The following ESCO2 variants were observed in gnomAD, a reference collection of about 807,000 sequenced individuals.
The protein encoded by ESCO2 is N-acetyltransferase ESCO2.
Under a neutral mutation model 61.7 loss-of-function variants are expected in ESCO2, and 51 were observed. The ratio of observed to expected loss-of-function variants is 0.83; its 90% CI spans 0.66 to 1.04. ESCO2 has a LOEUF of 1.04. Among genes scored for constraint, ESCO2 ranks in the 50% least tolerant of loss-of-function variants. ESCO2 has a pLI of 0.00. For synonymous variants in ESCO2, 230 were observed against 238.2 expected (o/e 0.97, Z 0.32); for missense variants, 692 against 686.2 (o/e 1.01, Z -0.09).
chr8:27,806,530 A>T (rs1270681327), downstream of ESCO2, among the ~76,000 whole-genome samples: 2 of 152,340 alleles, frequency 1.3e-5, no homozygotes, highest in Admixed American at 6.5e-5. Context: ...ACAACAAAAA[A>T]GCCTGTTGGG....
Position 27,780,194 on chromosome 8 carries a change from T to C in ESCO2, c.882T>C (p.Val294=), listed in dbSNP as rs752508730. The change falls in exon 4 of 11, where the codon GTT becomes GTC. Residue 294 remains valine (V), a synonymous_variant. Transcript: ENST00000305188. The part of the protein sequence containing the change: ...KLIKDSSDDR[V]SSKEHKVDKN... ...TTCAGGATTCATCAGATGACAGAGT[T>C]TCTTCAAAGGAACATAAAGTTGATA... 40 of 1,610,048 alleles carry C rather than the reference T, an allele frequency of 2.5e-5. No individual in the cohort carries two copies. The highest frequency in any genetic ancestry group is 3.4e-5 in the Non-Finnish European group (40 of 1,177,164).
At chr8:27,808,110 T>C (rs1004388964), downstream of ESCO2, 1 of 440,222 alleles carries the variant, frequency 2.3e-6, no homozygotes, top group Non-Finnish European at 3.3e-6. Context: ...TTAGCTGATA[T>C]ATATAGCATT....
intron 9 of ESCO2, among the ~76,000 whole-genome samples, chr8:27,798,845 G>T: frequency 6.6e-6 from 1 of 152,320 alleles, no homozygotes; most frequent in East Asian, 1.9e-4. Flanking sequence ...TAAATTGGTG[G>T]TTGTCAGGGA....
chr8:27,816,343 C>CTTATATATATATATATA (rs1554559818), downstream of ESCO2, among the ~76,000 whole-genome samples: 1 of 136,382 alleles, frequency 7.3e-6, no homozygotes, highest in African/African-American at 2.9e-5. Context: ...TCATCGAATA[C>CTTATATATATATATATA]TATATATATA....
downstream of ESCO2, among the ~76,000 whole-genome samples, chr8:27,806,934 A>G (rs1805575379): frequency 6.6e-6 from 1 of 152,006 alleles, no homozygotes; most frequent in South Asian, 2.1e-4. Context: ...TTTTTAAGCC[A>G]TTGGGAAAAG....
rs375990254 is a variant in ESCO2 at position 27,794,316 on chromosome 8, T to C, written c.1497+1505T>C. 2.2e-4 allele frequency among the ~76,000 whole-genome samples: 34 copies of C among 152,284 alleles called. No homozygotes were observed. The East Asian group carries it at 6.5e-3, about 29-fold the overall frequency. Reference sequence around the variant, plus strand: ...AGTAATCATTCTAACAGGCGTGAGGTGATCTTGTTTTAATTTGCATTTCCT... The same window carrying C: ...AGTAATCATTCTAACAGGCGTGAGGCGATCTTGTTTTAATTTGCATTTCCT... On this transcript the variant is annotated intron_variant, in intron 9 of 10. Transcript: ENST00000305188.
chr8:27,809,163 G>A (rs1424377739), downstream of ESCO2, among the ~76,000 whole-genome samples: 1 of 152,182 alleles, frequency 6.6e-6, no homozygotes, highest in Admixed American at 6.5e-5. Flanking sequence ...ACATGTCAGA[G>A]TGAGGATAAG....
chr8:27,777,088 G>A lies in ESCO2; in HGVS notation c.780G>A (p.Val260=). ...AAAAAACTTTTGCGACAAGGCAAGT[G>A]CCAAAGTGCTTGGTCCTAGAAGAGA... ...SEKKTFATRQ[V]PKCLVLEEKL... The change falls in exon 3 of 11, where the codon GTG becomes GTA. Residue 260 remains valine (V), a synonymous_variant. Coordinates refer to ENST00000305188, the MANE Select transcript of ESCO2 (RefSeq NM_001017420.3). The A allele has an allele frequency of 6.2e-7, 1 of 1,603,188 alleles. No individual in the cohort carries two copies. Among genetic ancestry groups the A allele is most frequent in the Non-Finnish European group, 8.5e-7 (1 of 1,177,574 alleles).
At chr8:27,774,054 T>C (rs757676287), upstream of ESCO2, among the ~76,000 whole-genome samples, 8 of 152,224 alleles carry the variant, frequency 5.3e-5, no homozygotes, top group Non-Finnish European at 7.3e-5. Flanking sequence ...TGTTAAGTTT[T>C]ATATTTTAAT....
chr8:27,807,941 G>A (rs1193503936), downstream of ESCO2, among the ~76,000 whole-genome samples: 3 of 152,090 alleles, frequency 2.0e-5, no homozygotes, highest in Admixed American at 6.5e-5. Context: ...ACAGCCAGAA[G>A]GTGCCTTCTA....
At position 27,792,725 on chromosome 8, in the gene ESCO2, A is replaced by C; in HGVS notation, c.1411A>C (p.Lys471Gln). The stretch of plus-strand genomic sequence containing the variant: ...ATTGGGCTTCCAGCAAGTTGTTCCT[A>C]AATGTCCAAACAAAATAAAAACTTT... ...NELGFQQVVP[K>Q]CPNKIKTFLF... Residue 471 changes from lysine (K) to glutamine (Q), a missense_variant, in exon 9 of 11, where the codon AAA becomes CAA. By Grantham distance (53) the Lys-to-Gln change is moderately conservative (BLOSUM62 1). Transcript: ENST00000305188. The C allele has an allele frequency of 6.2e-7, 1 of 1,612,506 alleles. No homozygotes were observed. Among genetic ancestry groups the C allele is most frequent in the Non-Finnish European group, 8.5e-7 (1 of 1,179,514 alleles).
chr8:27,804,651 A>G lies in ESCO2; in HGVS notation c.*1213A>G. On this transcript the variant is annotated 3_prime_UTR_variant, in exon 11 of 11. Coordinates refer to ENST00000305188, the MANE Select transcript of ESCO2 (RefSeq NM_001017420.3). Reference sequence around the variant, plus strand: ...TAAGACTCTAGGCAAGTCGTTTTCCAGATTGTAATTATATGTAGAAACTAT... The same window carrying G: ...TAAGACTCTAGGCAAGTCGTTTTCCGGATTGTAATTATATGTAGAAACTAT... The G allele has an allele frequency of 1.0e-6, 1 of 985,444 alleles. No homozygotes were observed. The highest frequency in any genetic ancestry group is 1.2e-6 in the Non-Finnish European group (1 of 829,932). The allele number at this position is 985,444 out of a possible 1,614,324, so 61.0% of individuals were successfully genotyped here.
At chr8:27,791,711 G>A (rs531431704) in intron 7 of ESCO2, among the ~76,000 whole-genome samples, 7 of 152,220 alleles carry the variant, frequency 4.6e-5, no homozygotes, top group South Asian at 2.1e-4. Flanking sequence ...GTGAGCCACC[G>A]CACCTTTACC....
chr8:27,776,553 C>T lies in ESCO2; in HGVS notation c.245C>T (p.Ser82Phe), dbSNP rs780434520. 3 of 1,614,136 alleles carry T rather than the reference C, an allele frequency of 1.9e-6. No homozygotes were observed. Among genetic ancestry groups the T allele is most frequent in the Non-Finnish European group, 2.5e-6 (3 of 1,180,014 alleles). ...NQGSPFKSAL[S>F]TVSFYNQNKW... ...GGCTCACCATTTAAATCTGCGCTCT[C>T]CACTGTATCTTTTTACAACCAAAAT... The change falls in exon 3 of 11, where the codon TCC becomes TTC. Residue 82 changes from serine (S) to phenylalanine (F), a missense_variant. Ser to Phe is a radical substitution (Grantham distance 155). Coordinates refer to ENST00000305188, the MANE Select transcript of ESCO2 (RefSeq NM_001017420.3).
chr8:27,815,835 G>A (rs1400076395), downstream of ESCO2, among the ~76,000 whole-genome samples: 2 of 152,118 alleles, frequency 1.3e-5, no homozygotes, highest in Admixed American at 6.5e-5. Flanking sequence ...AATGGATTGG[G>A]CCCCCTGCCA....
At chr8:27,799,004 T>C (rs1805364206) in intron 9 of ESCO2, among the ~76,000 whole-genome samples, 1 of 152,206 alleles carries the variant, frequency 6.6e-6, no homozygotes, top group South Asian at 2.1e-4. Context: ...CACACCATTA[T>C]ACCAATGGTA....
At chr8:27,816,343 C>CTTA (rs1554559818), downstream of ESCO2, among the ~76,000 whole-genome samples, 3 of 136,370 alleles carry the variant, frequency 2.2e-5, no homozygotes, top group African/African-American at 8.8e-5. Context: ...TCATCGAATA[C>CTTA]TATATATATA....
chr8:27,776,151 T>C (rs190201690), intron 2 of ESCO2, among the ~76,000 whole-genome samples: 265 of 152,208 alleles, frequency 1.7e-3, no homozygotes, highest in African/African-American at 6.2e-3. Context: ...ATAGTATTTG[T>C]TTTCATGAAC....
chr8:27,781,104 G>T (rs1804917220), intron 4 of ESCO2, among the ~76,000 whole-genome samples: 1 of 151,982 alleles, frequency 6.6e-6, no homozygotes, highest in African/African-American at 2.4e-5. Flanking sequence ...AATACAAATG[G>T]TATAAGGATA....
Sources: gnomAD v4.1 joint callset for allele counts (sites outside exome capture counted in the v4.1 genomes callset) on GRCh38, gnomAD v4.1.1 for gene constraint, MANE v1.5 for transcripts, NCBI Gene and HGNC (gene_info 2026-07-23, HGNC 2026-07-21) for gene names.